Variants in SESTD1 observed in about 807,000 individuals in gnomAD.
SESTD1 encodes SEC14 and spectrin domain containing 1.
A neutral mutation model predicts 101.7 loss-of-function variants in SESTD1; 43 were observed. The ratio of observed to expected loss-of-function variants is 0.42; its 90% CI spans 0.33 to 0.55. SESTD1 has a LOEUF of 0.55. Ranked by LOEUF, SESTD1 falls within the 20% of genes least tolerant of loss-of-function variation. The probability of loss-of-function intolerance (pLI) is 0.07; values close to 1 mark genes in which losing one functional copy is unlikely to be tolerated. For missense variants in SESTD1, 647 were observed against 815.1 expected, an observed-to-expected ratio of 0.79 and a Z score of 2.51; for synonymous variants, 283 against 286.8, an observed-to-expected ratio of 0.99 and a Z score of 0.13.
chr2:179,197,299 T>C (rs1025821397), intron 1 of SESTD1, among the ~76,000 whole-genome samples: 29 of 151,676 alleles, frequency 1.9e-4, no homozygotes, highest in African/African-American at 7.0e-4. Flanking sequence ...CCAAGAAATA[T>C]GGGACTACGT....
intron 6 of SESTD1, among the ~76,000 whole-genome samples, chr2:179,150,598 G>C (rs1336254746): frequency 6.6e-6 from 1 of 151,922 alleles, no homozygotes; most frequent in Non-Finnish European, 1.5e-5. Flanking sequence ...GAGGCAGGTG[G>C]ATCACGAGGT....
Position 179,132,857 on chromosome 2 carries a change from A to G in SESTD1, c.850-431T>C, listed in dbSNP as rs1473531611. Among the ~76,000 whole-genome samples the G allele has an allele frequency of 5.9e-5, 9 of 152,252 alleles. No individual in the cohort carries two copies. The East Asian group carries it at 1.7e-3, about 29-fold the overall frequency. ...GATTAAGTGACTTGCCCAAGATAAC[A>G]TAATCCATTATTGAAAAACTGGACT... On this transcript the variant is annotated intron_variant, in intron 9 of 17. Coordinates refer to ENST00000428443, the MANE Select transcript of SESTD1 (RefSeq NM_178123.5).
chr2:179,110,388 A>T (rs555210391), intron 17 of SESTD1, among the ~76,000 whole-genome samples: 1 of 152,282 alleles, frequency 6.6e-6, no homozygotes, highest in South Asian at 2.1e-4. Context: ...GGCTGGGGAC[A>T]CCACTTGTCT....
Position 179,123,840 on chromosome 2 carries a change from G to A in SESTD1, c.1168-11C>T, listed in dbSNP as rs1304227202. ...CAACTGCTGAGACAACTAAAGCAGA[G>A]GGACACCAAAGAGATAACCCTGATG... On this transcript the variant is annotated splice_polypyrimidine_tract_variant and intron_variant, in intron 11 of 17. Transcript: ENST00000428443. 2 of 1,592,812 alleles carry A rather than the reference G, an allele frequency of 1.3e-6. No individual in the cohort carries two copies. The highest frequency in any genetic ancestry group is 1.7e-6 in the Non-Finnish European group (2 of 1,161,334).
In SESTD1 at chr2:179,229,005, CAAG is replaced by C. The variant is rs375168467; in HGVS notation, c.-26+35491_-26+35493del. Among the ~76,000 whole-genome samples, 49 of 152,178 alleles carry C rather than the reference CAAG, an allele frequency of 3.2e-4. 1 individual carries two copies. The South Asian group carries it at 8.7e-3, about 27-fold the overall frequency. ...AGCCCAGTCTACGTGAAAAAATCCT[CAAG>C]AAGACCACTCATAGATGAGAGAAAA... On this transcript the variant is annotated intron_variant, in intron 1 of 17. Coordinates refer to ENST00000428443, the MANE Select transcript of SESTD1 (RefSeq NM_178123.5).
At chr2:179,130,764 T>C (rs555979758) in intron 10 of SESTD1, among the ~76,000 whole-genome samples, 1 of 152,188 alleles carries the variant, frequency 6.6e-6, no homozygotes, top group Middle Eastern at 3.4e-3. Flanking sequence ...TAAATACAGT[T>C]TTTTAGGAAC....
chr2:179,241,738 C>T (rs919364942), intron 1 of SESTD1, among the ~76,000 whole-genome samples: 3 of 151,842 alleles, frequency 2.0e-5, no homozygotes, highest in African/African-American at 4.8e-5. Flanking sequence ...CTGGCTAACA[C>T]GGTGAAACCC....
intron 4 of SESTD1, among the ~76,000 whole-genome samples, chr2:179,173,337 G>C (rs980809121): frequency 2.6e-5 from 4 of 151,974 alleles, no homozygotes; most frequent in Admixed American, 1.3e-4. Context: ...TGTTACGTTT[G>C]CTTAACTGCT....
chr2:179,169,927 T>C (rs1055843422), intron 5 of SESTD1, among the ~76,000 whole-genome samples: 3 of 150,276 alleles, frequency 2.0e-5, no homozygotes, highest in African/African-American at 7.4e-5. Context: ...TGAGCCGAGG[T>C]TGCACCACTG....
At chr2:179,193,380 G>C (rs575015688) in intron 1 of SESTD1, among the ~76,000 whole-genome samples, 65 of 152,298 alleles carry the variant, frequency 4.3e-4, no homozygotes, top group Middle Eastern at 3.4e-3. Context: ...CCGGCAAACA[G>C]ACTAGTAGGA....
Position 179,208,437 on chromosome 2 carries a change from T to C in SESTD1, c.-25-16571A>G, listed in dbSNP as rs2046614425. On this transcript the variant is annotated intron_variant, in intron 1 of 17. Coordinates refer to ENST00000428443, the MANE Select transcript of SESTD1 (RefSeq NM_178123.5). The stretch of plus-strand genomic sequence containing the variant: ...CACATAGTTTTCAGGATATCTAAAG[T>C]CAAGACAAAGGAAAGAATCTTAAAG... Among the ~76,000 whole-genome samples the C allele has an allele frequency of 1.5e-5, 2 of 134,226 alleles. 1 individual carries two copies. Among genetic ancestry groups the C allele is most frequent in the African/African-American group, 5.9e-5 (2 of 33,952 alleles). The allele number at this position is 134,226 out of a possible 152,430, so 88.1% of individuals were successfully genotyped here.
rs547042366 is a variant in SESTD1, at chr2:179,155,337, A to G, written c.370-3946T>C. On this transcript the variant is annotated intron_variant, in intron 5 of 17. Transcript: ENST00000428443. Reference sequence around the variant, plus strand: ...GTCAAGCAATATATTAATAAGATATATAACTATATATACTAAGAATGAAAC... The same window carrying G: ...GTCAAGCAATATATTAATAAGATATGTAACTATATATACTAAGAATGAAAC... Among the ~76,000 whole-genome samples the G allele has an allele frequency of 6.6e-5, 10 of 152,338 alleles. No individual in the cohort carries two copies. In the South Asian group the frequency reaches 2.1e-3, roughly 32 times the overall value.
At chr2:179,252,381 G>A (rs1356685109) in intron 1 of SESTD1, among the ~76,000 whole-genome samples, 1 of 152,202 alleles carries the variant, frequency 6.6e-6, no homozygotes, top group Non-Finnish European at 1.5e-5. Context: ...GAAATCTGTG[G>A]TATTGAGCTT....
At chr2:179,257,699 A>G (rs1002119456) in intron 1 of SESTD1, among the ~76,000 whole-genome samples, 4 of 152,198 alleles carry the variant, frequency 2.6e-5, no homozygotes, top group African/African-American at 4.8e-5. Flanking sequence ...TGCCAAGAAA[A>G]AGGCTAAAAA....
chr2:179,241,389 CA>C (rs896134663), intron 1 of SESTD1, among the ~76,000 whole-genome samples: 1 of 151,530 alleles, frequency 6.6e-6, no homozygotes, highest in African/African-American at 2.4e-5. Context: ...GGGACACACA[CA>C]AAAAAAATCT....
At chr2:179,167,924 G>A (rs1304488119) in intron 5 of SESTD1, among the ~76,000 whole-genome samples, 1 of 151,884 alleles carries the variant, frequency 6.6e-6, no homozygotes, top group Non-Finnish European at 1.5e-5. Context: ...CACCATGCCC[G>A]GCTAATTTAT....
chr2:179,171,762 C>T (rs2045934199), intron 5 of SESTD1, among the ~76,000 whole-genome samples: 1 of 151,994 alleles, frequency 6.6e-6, no homozygotes, highest in South Asian at 2.1e-4. Context: ...TGACATGTCA[C>T]AAAAAATAGA....
At position 179,108,864 on chromosome 2, in the gene SESTD1, A is replaced by G. The variant is rs1194791834; in HGVS notation, c.*1035T>C. ...CAGTTCTGTTATTGGACTACTTCAGAATTTATTTTGCTTTTAGACTATAAT... is the reference window on the plus strand; with the variant it reads ...CAGTTCTGTTATTGGACTACTTCAGGATTTATTTTGCTTTTAGACTATAAT... On this transcript the variant is annotated 3_prime_UTR_variant, in exon 18 of 18. Transcript: ENST00000428443. 1 of 152,110 alleles carries G rather than the reference A, an allele frequency of 6.6e-6. No individual in the cohort carries two copies. The highest frequency in any genetic ancestry group is 1.5e-5 in the Non-Finnish European group (1 of 67,992). 9.4% of individuals were successfully genotyped at this position (152,110 alleles called of 1,614,324 possible). A position where few individuals can be genotyped will look rare whatever the true frequency, so the allele number is the denominator to read the frequency against.
chr2:179,196,964 T>C (rs1297259407), intron 1 of SESTD1, among the ~76,000 whole-genome samples: 1 of 152,202 alleles, frequency 6.6e-6, no homozygotes, highest in Non-Finnish European at 1.5e-5. Flanking sequence ...CGGAGAATGA[T>C]TTTGATGAGC....
Sources: gnomAD v4.1 joint callset for allele counts (sites outside exome capture counted in the v4.1 genomes callset) on GRCh38, gnomAD v4.1.1 for gene constraint, MANE v1.5 for transcripts, NCBI Gene and HGNC (gene_info 2026-07-23, HGNC 2026-07-21) for gene names.